Variants in ACOX3 observed in about 807,000 individuals in gnomAD.
ACOX3 encodes the protein peroxisomal acyl-coenzyme A oxidase 3.
Under a neutral mutation model 81.5 loss-of-function variants are expected in ACOX3, and 73 were observed. The observed-to-expected ratio is 0.90, with a 90% confidence interval of 0.74 to 1.09. The LOEUF (loss-of-function observed/expected upper bound fraction) is 1.09, where lower values mean the gene tolerates loss of function less well. ACOX3 is among the 50% of genes least tolerant of loss of function. ACOX3 has a pLI of 0.00. For missense variants in ACOX3, 947 were observed against 928.0 expected (o/e 1.02, Z -0.27); for synonymous variants, 387 against 375.1 (o/e 1.03, Z -0.37).
intron 14 of ACOX3, among the ~76,000 whole-genome samples, chr4:8,378,266 C>G (rs1403580): frequency 0.32 from 49,138 of 152,222 alleles, 11,584 homozygotes; most frequent in African/African-American, 0.67. Flanking sequence ...ACAGCTGGCC[C>G]GGGTGCAATC....
At chr4:8,393,615 G>A (rs866260431) in intron 10 of ACOX3, among the ~76,000 whole-genome samples, 2,284 of 140,560 alleles carry the variant, frequency 0.016, 21 homozygotes, top group Non-Finnish European at 0.024. Flanking sequence ...ACACACACAC[G>A]CACACACACA....
the ACOX3 span, chr4:8,356,607 C>G: frequency 4.4e-6 from 2 of 456,066 alleles, no homozygotes; most frequent in South Asian, 1.6e-5. Flanking sequence ...GAATGGTGTA[C>G]GCTAACATGA....
Position 8,394,925 on chromosome 4 carries a change from G to T in ACOX3, c.1057-183C>A. ...TTCACCCTGACACGCTCTCAACTCAGCCAGTTCGGCTTTCACCCATAGCCC... is the reference window on the plus strand; with the variant it reads ...TTCACCCTGACACGCTCTCAACTCATCCAGTTCGGCTTTCACCCATAGCCC... On this transcript the variant is annotated intron_variant, in intron 9 of 17. Coordinates refer to ENST00000356406, the MANE Select transcript of ACOX3 (RefSeq NM_003501.3). This position sits in a 1 kb window ranked among gnomAD's most constrained non-coding sequence, Gnocchi z 5.9. 1.3e-6 allele frequency: 1 copy of T among 767,190 alleles called. No individual in the cohort carries two copies. Among genetic ancestry groups the T allele is most frequent in the Non-Finnish European group, 2.0e-6 (1 of 508,714 alleles). 47.5% of individuals were successfully genotyped at this position (767,190 alleles called of 1,614,324 possible).
chr4:8,406,103 C>CA lies in ACOX3; in HGVS notation c.688-61dup, dbSNP rs1720923226. ...TGTTACAATCACACAAAAATCAAAA[C>CA]AAATGTGTTCAGAAACCCACAGGGT... On this transcript the variant is annotated intron_variant, in intron 6 of 17. Coordinates refer to ENST00000356406, the MANE Select transcript of ACOX3 (RefSeq NM_003501.3). The surrounding 1 kb of genome is among the most constrained non-coding windows in gnomAD (Gnocchi z 5.6). 6.5e-7 allele frequency: 1 copy of CA among 1,546,246 alleles called. No homozygotes were observed. Among genetic ancestry groups the CA allele is most frequent in the Non-Finnish European group, 8.9e-7 (1 of 1,120,354 alleles).
chr4:8,379,437 G>A (rs1038068634), intron 14 of ACOX3, among the ~76,000 whole-genome samples: 3 of 152,202 alleles, frequency 2.0e-5, no homozygotes, highest in African/African-American at 7.2e-5. Flanking sequence ...GTGTCTGTGG[G>A]TGTCTGTCAG....
At chr4:8,401,098 A>G (rs1422534914) in intron 7 of ACOX3, among the ~76,000 whole-genome samples, 1 of 151,928 alleles carries the variant, frequency 6.6e-6, no homozygotes, top group African/African-American at 2.4e-5. Context: ...AGTAGGATTC[A>G]CGCTCCTATA....
At chr4:8,426,803 A>C (rs534252021) in intron 1 of ACOX3, among the ~76,000 whole-genome samples, 3 of 152,262 alleles carry the variant, frequency 2.0e-5, no homozygotes, top group African/African-American at 7.2e-5. Flanking sequence ...AATGTTCTTC[A>C]AATGGAGCCC....
At position 8,367,010 on chromosome 4, in the gene ACOX3, T is replaced by G; in HGVS notation, c.2054A>C (p.Glu685Ala). The G allele has an allele frequency of 6.2e-7, 1 of 1,614,152 alleles. No individual in the cohort carries two copies. Among genetic ancestry groups the G allele is most frequent in the Non-Finnish European group, 8.5e-7 (1 of 1,180,024 alleles). ...TATGACAGGTTTGTTCACAGAAAAC[T>G]CTGGCCACCAGGATGCCCGCTCCAA... ...KVLERASWWP[E>A]FSVNKPVIGS... Residue 685 changes from glutamate (E) to alanine (A), a missense_variant, in exon 18 of 18, where the codon GAG becomes GCG. Transcript: ENST00000356406.
intron 17 of ACOX3, among the ~76,000 whole-genome samples, chr4:8,367,442 C>T (rs1294164021): frequency 1.3e-5 from 2 of 152,090 alleles, no homozygotes; most frequent in African/African-American, 4.8e-5. Context: ...GAGATTGCAC[C>T]ACTGCACTCC....
In ACOX3 at chr4:8,419,612, AT is replaced by A. The variant is rs1375307987; in HGVS notation, c.-14-3078del. Among the ~76,000 whole-genome samples, 1 of 152,078 alleles carries A rather than the reference AT, an allele frequency of 6.6e-6. No homozygotes were observed. Among genetic ancestry groups the A allele is most frequent in the Non-Finnish European group, 1.5e-5 (1 of 68,014 alleles). On this transcript the variant is annotated intron_variant, in intron 1 of 17. Transcript: ENST00000356406. This position sits in a 1 kb window ranked among gnomAD's most constrained non-coding sequence, Gnocchi z 4.2. Reference sequence around the variant, plus strand: ...CATGGAGTGACCACATGACTCAGCAATTCCACTCTGAGGTATGTACGCAAGA... The same window carrying A: ...CATGGAGTGACCACATGACTCAGCAATCCACTCTGAGGTATGTACGCAAGA...
chr4:8,355,653 A>G, the ACOX3 span: 4 of 152,382 alleles, frequency 2.6e-5, no homozygotes, highest in East Asian at 7.7e-4. Flanking sequence ...GCTAGAGCAT[A>G]AGAGTCTTCG....
chr4:8,385,156 G>GACCCAATAGCCTGTGCTCCCACCCTCT lies in ACOX3; in HGVS notation c.1538-3550_1538-3549insAGAGGGTGGGAGCACAGGCTATTGGGT, dbSNP rs1718155759. On this transcript the variant is annotated intron_variant, in intron 13 of 17. Coordinates refer to ENST00000356406, the MANE Select transcript of ACOX3 (RefSeq NM_003501.3). This position sits in a 1 kb window ranked among gnomAD's most constrained non-coding sequence, Gnocchi z 5.5. ...AAAGCCTAGCTCAAGGTCACAGCGGGGGGCAGTGCTGACCCAATAGCCTGT... is the reference window on the plus strand; with the variant it reads ...AAAGCCTAGCTCAAGGTCACAGCGGGACCCAATAGCCTGTGCTCCCACCCTCTGGGCAGTGCTGACCCAATAGCCTGT... 6.6e-6 allele frequency among the ~76,000 whole-genome samples: 1 copy of GACCCAATAGCCTGTGCTCCCACCCTCT among 152,126 alleles called. No homozygotes were observed. Among genetic ancestry groups the GACCCAATAGCCTGTGCTCCCACCCTCT allele is most frequent in the Non-Finnish European group, 1.5e-5 (1 of 68,008 alleles).
chr4:8,370,073 G>A lies in ACOX3; in HGVS notation c.1983+835C>T, dbSNP rs1197358588. 6.6e-6 allele frequency among the ~76,000 whole-genome samples: 1 copy of A among 152,224 alleles called. No individual in the cohort carries two copies. Among genetic ancestry groups the A allele is most frequent in the Non-Finnish European group, 1.5e-5 (1 of 68,042 alleles). ...AGCAAGGGCAGCACTACAGTGCCTG[G>A]GGGCACTGCCTCAGCTGGAGGCCAG... is the stretch of plus-strand genomic sequence containing the variant. On this transcript the variant is annotated intron_variant, in intron 17 of 17. Transcript: ENST00000356406. This position sits in a 1 kb window ranked among gnomAD's most constrained non-coding sequence, Gnocchi z 6.3.
chr4:8,404,647 T>A (rs1303099825), intron 7 of ACOX3, among the ~76,000 whole-genome samples: 5 of 152,032 alleles, frequency 3.3e-5, no homozygotes, highest in Admixed American at 3.3e-4. Context: ...CAGAAGGAGG[T>A]TTCTCCATCG....
intron 1 of ACOX3, among the ~76,000 whole-genome samples, chr4:8,427,358 C>T (rs796391834): frequency 5.9e-5 from 9 of 152,380 alleles, no homozygotes; most frequent in African/African-American, 1.9e-4. Flanking sequence ...GCACACTTTT[C>T]TGGTCCATGT....
intron 14 of ACOX3, among the ~76,000 whole-genome samples, chr4:8,380,189 CTTT>C (rs11388749): frequency 5.6e-5 from 7 of 125,834 alleles, no homozygotes; most frequent in Admixed American, 1.6e-4. Context: ...ATATGGGTTC[CTTT>C]TTTTTTTTTT....
chr4:8,427,203 T>A (rs983743753), intron 1 of ACOX3, among the ~76,000 whole-genome samples: 2 of 152,080 alleles, frequency 1.3e-5, no homozygotes, highest in South Asian at 4.1e-4. Context: ...AAAGAAATAA[T>A]CAGATCATCT....
chr4:8,380,870 C>A (rs1056311398), intron 14 of ACOX3, among the ~76,000 whole-genome samples: 1 of 152,152 alleles, frequency 6.6e-6, no homozygotes, highest in Non-Finnish European at 1.5e-5. Context: ...GCCCTACTGC[C>A]CCCACCGGCT....
chr4:8,357,457 A>G, the ACOX3 span: 2 of 348,576 alleles, frequency 5.7e-6, no homozygotes, highest in Non-Finnish European at 1.1e-5. Context: ...ATGTGGAGTT[A>G]TAAGTGATAT....
Sources: gnomAD v4.1 joint callset for allele counts (sites outside exome capture counted in the v4.1 genomes callset) on GRCh38, gnomAD v4.1.1 for gene constraint, Gnocchi (gnomAD v3.1) non-coding constraint, MANE v1.5 for transcripts, NCBI Gene and HGNC (gene_info 2026-07-23, HGNC 2026-07-21) for gene names.